The following ELF2 variants were observed in gnomAD, a reference collection of about 807,000 sequenced individuals.
ELF2 encodes E74 like ETS transcription factor 2.
In ELF2, 11 loss-of-function variants were observed where a neutral mutation model predicts 54.8. That is an observed-to-expected ratio of 0.20 (90% CI 0.13 to 0.33). The LOEUF is 0.33. Among genes scored for constraint, ELF2 ranks in the 10% least tolerant of loss-of-function variants. The pLI is 1.00. For missense variants in ELF2, 513 were observed against 703.0 expected (o/e 0.73, Z 3.06); for synonymous variants, 203 against 245.1 (o/e 0.83, Z 1.61).
chr4:139,092,108 TC>T (rs1732655829), intron 4 of ELF2, among the ~76,000 whole-genome samples: 1 of 151,642 alleles, frequency 6.6e-6, no homozygotes, highest in Non-Finnish European at 1.5e-5. Flanking sequence ...ACCCCTGTAA[TC>T]CCAGCACTTT....
intron 4 of ELF2, chr4:139,117,953 CAAA>C (rs60424237): frequency 1.4e-4 from 20 of 145,862 alleles, no homozygotes; most frequent in South Asian, 7.4e-4. Flanking sequence ...GATTCCACCT[CAAA>C]AAAAAAAAAA....
intron 3 of ELF2, among the ~76,000 whole-genome samples, chr4:139,128,310 C>A (rs761422382): frequency 1.4e-4 from 21 of 151,882 alleles, no homozygotes; most frequent in Non-Finnish European, 2.1e-4. Context: ...ACTCTCATTT[C>A]TTTTAACTGA....
At chr4:139,175,502 T>G (rs540082565) in intron 1 of ELF2, among the ~76,000 whole-genome samples, 1 of 152,372 alleles carries the variant, frequency 6.6e-6, no homozygotes, top group South Asian at 2.1e-4. Flanking sequence ...AGTTTTATTA[T>G]TCCTAAATTC....
intron 2 of ELF2, among the ~76,000 whole-genome samples, chr4:139,138,194 G>A (rs916194248): frequency 6.6e-6 from 1 of 152,138 alleles, no homozygotes; most frequent in African/African-American, 2.4e-5. Flanking sequence ...CGAGGCAGGC[G>A]GATCACGAGG....
chr4:139,136,666 T>TC (rs1738189632), intron 3 of ELF2: 2 of 138,128 alleles, frequency 1.4e-5, no homozygotes. Flanking sequence ...TATTCACTCT[T>TC]TTTTTTTTTT....
chr4:139,133,683 G>T (rs1234165546), intron 3 of ELF2, among the ~76,000 whole-genome samples: 1 of 149,506 alleles, frequency 6.7e-6, no homozygotes, highest in African/African-American at 2.5e-5. Flanking sequence ...TGCCTGAGCT[G>T]CACCTGAACT....
In ELF2 at chr4:139,121,155, C is replaced by CTGGA. The variant is rs535845877; in HGVS notation, c.238+4005_238+4008dup. On this transcript the variant is annotated intron_variant, in intron 4 of 9. Coordinates refer to ENST00000686138, the MANE Select transcript of ELF2 (RefSeq NM_001331036.3). Reference sequence around the variant, plus strand: ...ACGGAGTCTTGCTCTGTCGCCCAGGCTGGAGTGCAGTGGCGCGATCTCGGC... The same window carrying CTGGA: ...ACGGAGTCTTGCTCTGTCGCCCAGGCTGGATGGAGTGCAGTGGCGCGATCTCGGC... Among the ~76,000 whole-genome samples the CTGGA allele has an allele frequency of 2.7e-4, 32 of 117,290 alleles. No homozygotes were observed. The South Asian group carries it at 8.2e-3, about 30-fold the overall frequency. 76.9% of individuals were successfully genotyped at this position (117,290 alleles called of 152,430 possible). A position where few individuals can be genotyped will look rare whatever the true frequency, so the allele number is the denominator to read the frequency against.
At chr4:139,141,768 T>C (rs994063069) in intron 1 of ELF2, among the ~76,000 whole-genome samples, 1 of 152,020 alleles carries the variant, frequency 6.6e-6, no homozygotes, top group African/African-American at 2.4e-5. Flanking sequence ...TACAGGCGGG[T>C]GTTTCCAGGA....
At chr4:139,059,927 A>C (rs1358907997) in intron 9 of ELF2, among the ~76,000 whole-genome samples, 1 of 151,792 alleles carries the variant, frequency 6.6e-6, no homozygotes, top group East Asian at 1.9e-4. Context: ...AGCTCACTAC[A>C]ACCTCCAACT....
At chr4:139,062,135 T>C in intron 7 of ELF2, 78 bp from the exon 8 acceptor site, 13 of 1,360,686 alleles carry the variant, frequency 9.6e-6, no homozygotes, top group Non-Finnish European at 1.2e-5. Context: ...TAAAGTGTCC[T>C]TCATTGTATC....
At chr4:139,072,753 C>T (rs1729702290) in intron 5 of ELF2, among the ~76,000 whole-genome samples, 1 of 152,132 alleles carries the variant, frequency 6.6e-6, no homozygotes, top group South Asian at 2.1e-4. Context: ...TACATACTAT[C>T]TTAGATTAAT....
chr4:139,087,528 C>G (rs1020142313), intron 4 of ELF2, among the ~76,000 whole-genome samples: 1 of 152,164 alleles, frequency 6.6e-6, no homozygotes, highest in Non-Finnish European at 1.5e-5. Context: ...TACAGTGGCG[C>G]GATCTCGGCT....
At chr4:139,109,327 C>T (rs1190097961) in intron 4 of ELF2, among the ~76,000 whole-genome samples, 1 of 152,050 alleles carries the variant, frequency 6.6e-6, no homozygotes, top group Non-Finnish European at 1.5e-5. Flanking sequence ...TGCACTACCA[C>T]GGCATGAGAC....
chr4:139,172,605 T>C (rs1395245048), intron 1 of ELF2, among the ~76,000 whole-genome samples: 3 of 152,138 alleles, frequency 2.0e-5, no homozygotes, highest in Non-Finnish European at 4.4e-5. Flanking sequence ...AGCTGTAAAA[T>C]ACTTATTTTA....
chr4:139,171,251 G>A (rs1742281835), intron 1 of ELF2, among the ~76,000 whole-genome samples: 5 of 152,022 alleles, frequency 3.3e-5, no homozygotes, highest in South Asian at 2.1e-4. Flanking sequence ...AAAATTAACC[G>A]GGCATGGTGG....
intron 4 of ELF2, among the ~76,000 whole-genome samples, chr4:139,084,875 G>A (rs1438200975): frequency 6.6e-6 from 1 of 152,158 alleles, no homozygotes; most frequent in Non-Finnish European, 1.5e-5. Flanking sequence ...TATTCTGAAA[G>A]CATTACTTGG....
intron 1 of ELF2, among the ~76,000 whole-genome samples, chr4:139,175,404 A>T (rs1219837128): frequency 6.6e-6 from 1 of 152,214 alleles, no homozygotes; most frequent in African/African-American, 2.4e-5. Flanking sequence ...AGGATATTCC[A>T]ATTTTCTATT....
intron 4 of ELF2, chr4:139,115,133 G>T: frequency 6.2e-7 from 1 of 1,613,502 alleles, no homozygotes; most frequent in South Asian, 1.1e-5. Context: ...TCGTAGAGGC[G>T]CGTGAGCTGC....
At position 139,076,399 on chromosome 4, in the gene ELF2, T is replaced by C. The variant is rs78288115; in HGVS notation, c.239-2832A>G. ...TAAGACATATTATCATTCTCAATTA[T>C]TGTTTTCAAAGTGCCTCCCTACAAT... On this transcript the variant is annotated intron_variant, in intron 4 of 9. Coordinates refer to ENST00000686138, the MANE Select transcript of ELF2 (RefSeq NM_001331036.3). 2.9e-3 allele frequency among the ~76,000 whole-genome samples: 439 copies of C among 152,248 alleles called. 2 individuals are homozygous for C. Among genetic ancestry groups the C allele is most frequent in the African/African-American group, 9.8e-3 (408 of 41,544 alleles).
Sources: gnomAD v4.1 joint callset for allele counts (sites outside exome capture counted in the v4.1 genomes callset) on GRCh38, gnomAD v4.1.1 for gene constraint, MANE v1.5 for transcripts, NCBI Gene and HGNC (gene_info 2026-07-23, HGNC 2026-07-21) for gene names.